DGCR2: variants seen among roughly 807,000 people sequenced by gnomAD.
DGCR2 encodes the protein integral membrane protein DGCR2/IDD.
DGCR2 carries 24 observed loss-of-function variants against 51.6 expected under a neutral mutation model. The ratio of observed to expected loss-of-function variants is 0.47; its 90% confidence interval spans 0.34 to 0.65. The LOEUF is 0.65. Among genes scored for constraint, DGCR2 ranks in the 30% least tolerant of loss-of-function variants. The pLI is 0.01. For missense variants in DGCR2, 765 were observed against 772.1 expected, an observed-to-expected ratio of 0.99 and a Z score of 0.11; for synonymous variants, 340 against 315.4, an observed-to-expected ratio of 1.08 and a Z score of -0.82.
At chr22:19,063,312 G>C (rs747158404) in intron 4 of DGCR2, 34 bp from the exon 5 acceptor site, 1 of 1,592,208 alleles carries the variant, frequency 6.3e-7, no homozygotes. Flanking sequence ...AGAGATCTCA[G>C]CGGCAGGAGG....
intron 1 of DGCR2, among the ~76,000 whole-genome samples, chr22:19,119,659 C>A (rs2083410165): frequency 6.8e-6 from 1 of 146,158 alleles, no homozygotes; most frequent in Non-Finnish European, 1.5e-5. Context: ...TCGCTTGAAC[C>A]AAGGAGGTGG....
chr22:19,112,525 T>G (rs946226260), intron 1 of DGCR2, among the ~76,000 whole-genome samples: 2 of 116,384 alleles, frequency 1.7e-5, no homozygotes, highest in Admixed American at 8.3e-5. Flanking sequence ...CACCATAACC[T>G]CTGCTCACTG....
intron 8 of DGCR2, 191 bp downstream of exon 8, chr22:19,041,616 T>A: frequency 1.5e-6 from 1 of 684,540 alleles, no homozygotes. Flanking sequence ...GCCCACCCTG[T>A]GGCTCAATGG....
At chr22:19,058,745 G>A (rs1016739079) in intron 5 of DGCR2, among the ~76,000 whole-genome samples, 1 of 152,204 alleles carries the variant, frequency 6.6e-6, no homozygotes, top group African/African-American at 2.4e-5. Flanking sequence ...ACCTCTCCGG[G>A]CAGAGTCCTG....
intron 2 of DGCR2, among the ~76,000 whole-genome samples, chr22:19,079,854 T>G (rs2082917116): frequency 6.6e-6 from 1 of 152,228 alleles, no homozygotes; most frequent in South Asian, 2.1e-4. Context: ...CTGGTGTGCT[T>G]TGTTCAGACT....
chr22:19,076,353 C>G (rs995432508), intron 2 of DGCR2, among the ~76,000 whole-genome samples: 2 of 147,648 alleles, frequency 1.4e-5, no homozygotes, highest in African/African-American at 2.7e-5. Context: ...TTGGTAGAGA[C>G]GGGGTTTCAC....
rs2083246369 is a variant in DGCR2 at position 19,104,977 on chromosome 22, T to C, written c.80-15487A>G. ...ACGCATCTCCAGGAGACCAGAGGTG[T>C]GGATGCTGGGTTCTGCCCTGGGCCA... On this transcript the variant is annotated intron_variant, in intron 1 of 9. Transcript: ENST00000263196. Among the ~76,000 whole-genome samples the C allele has an allele frequency of 2.0e-5, 3 of 152,162 alleles. No individual in the cohort carries two copies. The South Asian group carries it at 6.2e-4, about 32-fold the overall frequency.
chr22:19,065,303 T>C, intron 3 of DGCR2: 1 of 539,768 alleles, frequency 1.9e-6, no homozygotes, highest in South Asian at 2.1e-5. Flanking sequence ...TTCTATAAGA[T>C]CTTTTAATTT....
At chr22:19,040,396 T>C (rs2082417685) in intron 9 of DGCR2, among the ~76,000 whole-genome samples, 2 of 152,218 alleles carry the variant, frequency 1.3e-5, no homozygotes, top group African/African-American at 4.8e-5. Flanking sequence ...TGGCACTGCC[T>C]ACCAAATATA....
rs778403972 is a variant in DGCR2 at position 19,048,644 on chromosome 22, C to T, written c.803-1G>A. On this transcript the variant is annotated splice_acceptor_variant, in intron 6 of 9. Coordinates refer to ENST00000263196, the MANE Select transcript of DGCR2 (RefSeq NM_005137.3). LOFTEE classifies it high-confidence loss of function. ...TCCTTGATGTCAACACATGTTTGAC[C>T]TGCAATGAGCATACATTGTGTACAG... 6.2e-7 allele frequency: 1 copy of T among 1,614,050 alleles called. No individual in the cohort carries two copies. Among genetic ancestry groups the T allele is most frequent in the African/African-American group, 1.3e-5 (1 of 74,932 alleles).
intron 1 of DGCR2, among the ~76,000 whole-genome samples, chr22:19,098,105 A>G (rs531747761): frequency 6.6e-6 from 1 of 152,224 alleles, no homozygotes; most frequent in Non-Finnish European, 1.5e-5. Context: ...AGTTATCAAA[A>G]GAGGAAAAAT....
At chr22:19,062,717 C>T (rs1480436066) in intron 5 of DGCR2, among the ~76,000 whole-genome samples, 1 of 151,148 alleles carries the variant, frequency 6.6e-6, no homozygotes, top group African/African-American at 2.4e-5. Flanking sequence ...TCCTTTACGT[C>T]GTCTTGGTAT....
intron 1 of DGCR2, among the ~76,000 whole-genome samples, chr22:19,092,584 C>T (rs2083090785): frequency 6.6e-6 from 1 of 152,100 alleles, no homozygotes; most frequent in South Asian, 2.1e-4. Context: ...TAAAAATCTT[C>T]AAAGGAAACT....
At chr22:19,106,384 G>A (rs2083261626) in intron 1 of DGCR2, among the ~76,000 whole-genome samples, 1 of 152,204 alleles carries the variant, frequency 6.6e-6, no homozygotes, top group Non-Finnish European at 1.5e-5. Flanking sequence ...ATGGCCAGGG[G>A]TTCTGTGCAG....
intron 1 of DGCR2, among the ~76,000 whole-genome samples, chr22:19,095,494 T>C (rs1264366287): frequency 6.6e-6 from 1 of 151,886 alleles, no homozygotes; most frequent in Non-Finnish European, 1.5e-5. Context: ...ACCCCGTCTC[T>C]ACTGAAAATA....
intron 1 of DGCR2, 152 bp downstream of exon 1, chr22:19,121,976 G>T: frequency 2.8e-6 from 1 of 361,970 alleles, no homozygotes; most frequent in Non-Finnish European, 4.5e-6. Flanking sequence ...GGCGTCCGCA[G>T]AGAGTGCCAG....
At chr22:19,063,643 A>C (rs1473138339) in intron 4 of DGCR2, among the ~76,000 whole-genome samples, 1 of 151,076 alleles carries the variant, frequency 6.6e-6, no homozygotes, top group Non-Finnish European at 1.5e-5. Flanking sequence ...AGCTATACTG[A>C]CCTCCACAAC....
chr22:19,121,163 C>G (rs2083427155), intron 1 of DGCR2, among the ~76,000 whole-genome samples: 1 of 152,246 alleles, frequency 6.6e-6, no homozygotes, highest in South Asian at 2.1e-4. Flanking sequence ...CCTGGCACTT[C>G]TGCCTTCATG....
intron 2 of DGCR2, among the ~76,000 whole-genome samples, chr22:19,077,176 TAGA>T (rs1366049412): frequency 6.6e-6 from 1 of 152,244 alleles, no homozygotes; most frequent in African/African-American, 2.4e-5. Flanking sequence ...TTTTAATTAA[TAGA>T]AGTTTTAAAT....
Sources: allele counts gnomAD v4.1 joint callset (sites outside exome capture counted in the v4.1 genomes callset), GRCh38; gene constraint gnomAD v4.1.1; transcripts MANE v1.5; gene names NCBI Gene and HGNC (gene_info 2026-07-23, HGNC 2026-07-21).